Variants in TUBGCP2 observed in about 807,000 individuals in gnomAD.
TUBGCP2 encodes gamma-tubulin complex component 2.
A neutral mutation model predicts 92.2 loss-of-function variants in TUBGCP2; 55 were observed. The observed-to-expected ratio is 0.60, with a 90% CI of 0.48 to 0.75. The LOEUF (loss-of-function observed/expected upper bound fraction) is 0.75, where lower values mean the gene tolerates loss of function less well. Ranked by LOEUF, TUBGCP2 falls within the 30% of genes least tolerant of loss-of-function variation. The pLI is 0.00. For synonymous variants in TUBGCP2, 533 were observed against 505.2 expected (o/e 1.06, Z -0.74); for missense variants, 1,093 against 1,188.9 (o/e 0.92, Z 1.19).
At chr10:133,284,517 T>TA (rs1234975862) in intron 13 of TUBGCP2, among the ~76,000 whole-genome samples, 1 of 152,168 alleles carries the variant, frequency 6.6e-6, no homozygotes, top group African/African-American at 2.4e-5. Flanking sequence ...CATTCCCGGC[T>TA]AATTAAAATA....
At chr10:133,309,129 A>G (rs745565613), upstream of TUBGCP2, 1 of 1,359,302 alleles carries the variant, frequency 7.4e-7, no homozygotes, top group Non-Finnish European at 9.5e-7. Context: ...AAGTAGTTGT[A>G]GGATCCAGTG....
chr10:133,292,957 T>C (rs960539803), intron 7 of TUBGCP2, 82 bp downstream of exon 7: 3 of 1,490,582 alleles, frequency 2.0e-6, no homozygotes, highest in South Asian at 2.4e-5. Flanking sequence ...CCACGGCCCC[T>C]GCAGAGTCTC....
chr10:133,302,773 C>T lies in TUBGCP2; in HGVS notation c.150+19G>A, dbSNP rs142047692. On this transcript the variant is annotated intron_variant, in intron 2 of 17. Coordinates refer to ENST00000252936, the MANE Select transcript of TUBGCP2 (RefSeq NM_006659.4). ...ACAGTGCTCACCCTGCACAGCGCTA[C>T]ACCAAGGGCAGTGCTCACCTTGGCA... 5.0e-4 allele frequency: 807 copies of T among 1,612,090 alleles called. No homozygotes were observed. The highest frequency in any genetic ancestry group is 2.0e-3 in the Middle Eastern group (9 of 4,590).
chr10:133,283,295 GT>G, intron 14 of TUBGCP2, 74 bp from the exon 15 acceptor site: 2 of 1,596,072 alleles, frequency 1.3e-6, no homozygotes, highest in Non-Finnish European at 1.7e-6. Flanking sequence ...CACGTGCTCA[GT>G]TCTGGCTTTG....
chr10:133,297,849 C>T, intron 5 of TUBGCP2, 103 bp downstream of exon 5: 2 of 1,532,152 alleles, frequency 1.3e-6, no homozygotes, highest in African/African-American at 1.4e-5. Flanking sequence ...AAGTGTCCTG[C>T]CCAGAGGCCA....
Position 133,285,062 on chromosome 10 carries a change from G to T in TUBGCP2, c.2024+23C>A. ...AGCGAGCGCTGCTTCAGGAGGGCAT[G>T]CGGGGGCAGAGGAAGAACGCACCAC... On this transcript the variant is annotated intron_variant, in intron 13 of 17. Coordinates refer to ENST00000252936, the MANE Select transcript of TUBGCP2 (RefSeq NM_006659.4). This position sits in a 1 kb window ranked among gnomAD's most constrained non-coding sequence, Gnocchi z 6.8. 1 of 1,584,892 alleles carries T rather than the reference G, an allele frequency of 6.3e-7. No individual in the cohort carries two copies.
Position 133,285,730 on chromosome 10 carries a change from G to A in TUBGCP2, c.1723-102C>T. ...GCTCACAGACCCAGCGCTGACGTAA[G>A]GTTCCCTACATTCCGATTCTAAATA... On this transcript the variant is annotated intron_variant, in intron 11 of 17. Transcript: ENST00000252936. This position sits in a 1 kb window ranked among gnomAD's most constrained non-coding sequence, Gnocchi z 6.8. 1 of 1,152,638 alleles carries A rather than the reference G, an allele frequency of 8.7e-7. No homozygotes were observed. Among genetic ancestry groups the A allele is most frequent in the Non-Finnish European group, 1.2e-6 (1 of 867,866 alleles). 71.4% of individuals were successfully genotyped at this position (1,152,638 alleles called of 1,614,324 possible). A position where few individuals can be genotyped will look rare whatever the true frequency, so the allele number is the denominator to read the frequency against.
At chr10:133,305,779 G>A (rs897041902) in intron 1 of TUBGCP2, among the ~76,000 whole-genome samples, 1 of 152,166 alleles carries the variant, frequency 6.6e-6, no homozygotes, top group African/African-American at 2.4e-5. Context: ...GCGATAAGAA[G>A]GCATGGTGCT....
chr10:133,300,753 T>C (rs1847625498), intron 2 of TUBGCP2, among the ~76,000 whole-genome samples: 1 of 152,210 alleles, frequency 6.6e-6, no homozygotes, highest in African/African-American at 2.4e-5. Flanking sequence ...GCGTTACAGG[T>C]GTGAGCCCCT....
intron 9 of TUBGCP2, 96 bp downstream of exon 9, chr10:133,289,728 T>C: frequency 2.2e-6 from 3 of 1,380,418 alleles, no homozygotes; most frequent in Non-Finnish European, 9.7e-7. Flanking sequence ...AACCACAGGG[T>C]GAGGCACAGG....
chr10:133,289,097 G>T, intron 9 of TUBGCP2, 77 bp from the exon 10 acceptor site: 1 of 1,517,894 alleles, frequency 6.6e-7, no homozygotes. Context: ...CTACACAGGA[G>T]GCAGTGGAAT....
intron 4 of TUBGCP2, 109 bp downstream of exon 4, chr10:133,299,316 CAT>C (rs1438824185): frequency 2.3e-6 from 2 of 865,008 alleles, no homozygotes; most frequent in South Asian, 2.1e-5. Flanking sequence ...GACAGAGAGA[CAT>C]GTCCTTCCAG....
chr10:133,288,104 G>C (rs752124106), intron 11 of TUBGCP2, 25 bp downstream of exon 11: 4 of 1,600,688 alleles, frequency 2.5e-6, no homozygotes, highest in Non-Finnish European at 3.4e-6. Context: ...TGCCACAGGG[G>C]ACAGCCCCCG....
chr10:133,298,529 A>T (rs1847544228), intron 4 of TUBGCP2, among the ~76,000 whole-genome samples: 1 of 152,266 alleles, frequency 6.6e-6, no homozygotes, highest in South Asian at 2.1e-4. Flanking sequence ...CTTCAGCAAC[A>T]GACATGCATC....
intron 11 of TUBGCP2, among the ~76,000 whole-genome samples, chr10:133,287,887 C>T (rs1009489458): frequency 3.9e-5 from 6 of 152,246 alleles, no homozygotes; most frequent in Non-Finnish European, 8.8e-5. Flanking sequence ...GCCAGCATGA[C>T]CTGAAAGCCA....
rs1161906552 is a variant in TUBGCP2, at chr10:133,279,555, T to C, written c.*211A>G. ...AGTGTAATTTCAAAAAGCAAACAGA[T>C]TAGCAAATCCAGGGAGACATCCACC... On this transcript the variant is annotated 3_prime_UTR_variant, in exon 18 of 18. Coordinates refer to ENST00000252936, the MANE Select transcript of TUBGCP2 (RefSeq NM_006659.4). 1 of 691,560 alleles carries C rather than the reference T, an allele frequency of 1.4e-6. No homozygotes were observed. Among genetic ancestry groups the C allele is most frequent in the East Asian group, 3.3e-5 (1 of 29,982 alleles). 42.8% of individuals were successfully genotyped at this position (691,560 alleles called of 1,614,324 possible).
intron 16 of TUBGCP2, 23 bp downstream of exon 16, chr10:133,282,200 G>A: frequency 6.2e-7 from 1 of 1,611,176 alleles, no homozygotes; most frequent in Non-Finnish European, 8.5e-7. Flanking sequence ...GTCTCTCTCT[G>A]GCCAAACCTG....
In TUBGCP2 at chr10:133,279,808, C is replaced by T. The variant is rs558821895; in HGVS notation, c.2667G>A (p.Gly889=). The T allele has an allele frequency of 1.9e-6, 3 of 1,577,476 alleles. No homozygotes were observed. Among genetic ancestry groups the T allele is most frequent in the South Asian group, 2.3e-5 (2 of 86,724 alleles). ...CGACCCTGGGTGCAGGAGCCGGGGG[C>T]CCCCGCAGGACAGGCACTTGGGGGG... is the stretch of plus-strand genomic sequence containing the variant. ...KATPQVPVLR[G]PPAPAPRVAV... The change falls in exon 18 of 18, where the codon GGG becomes GGA. Residue 889 remains glycine, a synonymous_variant. Coordinates refer to ENST00000252936, the MANE Select transcript of TUBGCP2 (RefSeq NM_006659.4).
intron 16 of TUBGCP2, 40 bp from the exon 17 acceptor site, chr10:133,281,476 C>T: frequency 2.5e-6 from 4 of 1,599,236 alleles, no homozygotes; most frequent in Non-Finnish European, 3.4e-6. Flanking sequence ...TGCCCACCCC[C>T]ACCGTGGGCC....
Sources: gnomAD v4.1 joint callset for allele counts (sites outside exome capture counted in the v4.1 genomes callset) on GRCh38, gnomAD v4.1.1 for gene constraint, Gnocchi (gnomAD v3.1) non-coding constraint, MANE v1.5 for transcripts, NCBI Gene and HGNC (gene_info 2026-07-23, HGNC 2026-07-21) for gene names.